ZNF540: variants seen among roughly 807,000 people sequenced by gnomAD.
ZNF540 encodes CTD-3064H18.6.
In ZNF540, 3 loss-of-function variants were observed where a neutral mutation model predicts 11.8. The observed-to-expected ratio is 0.25, with a 90% CI of 0.12 to 0.65. The LOEUF is 0.65. Among genes scored for constraint, ZNF540 ranks in the 30% least tolerant of loss-of-function variants. The pLI, the probability that ZNF540 is intolerant of heterozygous loss-of-function variation, is 0.83. For synonymous variants in ZNF540, 247 were observed against 259.0 expected (o/e 0.95, Z 0.45); for missense variants, 709 against 793.1 (o/e 0.89, Z 1.27).
intron 1 of ZNF540, chr19:37,563,616 T>C (rs185421340): frequency 6.6e-6 from 1 of 151,952 alleles, no homozygotes; most frequent in Non-Finnish European, 1.5e-5. Flanking sequence ...CATACATACA[T>C]GGAATGTATA....
intron 1 of ZNF540, among the ~76,000 whole-genome samples, chr19:37,568,424 G>C (rs181627471): frequency 2.2e-3 from 332 of 151,294 alleles, no homozygotes; most frequent in Non-Finnish European, 3.9e-3. Flanking sequence ...TTTCATAGAA[G>C]AACAATATGG....
In ZNF540 at chr19:37,565,907, T is replaced by G. The variant is rs1387186035; in HGVS notation, c.-73+14242T>G. 1.2e-6 allele frequency: 2 copies of G among 1,613,930 alleles called. No homozygotes were observed. Among genetic ancestry groups the G allele is most frequent in the Admixed American group, 3.3e-5 (2 of 59,990 alleles). ...ATAGCTTGGCTTTTTGCTAAAGGTATTCCTGTGTTTCTTAACTTCAGAGCA... is the reference window on the plus strand; with the variant it reads ...ATAGCTTGGCTTTTTGCTAAAGGTAGTCCTGTGTTTCTTAACTTCAGAGCA... On this transcript the variant is annotated intron_variant, in intron 1 of 4. Coordinates refer to the ZNF540 transcript ENST00000592533.
intron 4 of ZNF540, among the ~76,000 whole-genome samples, chr19:37,609,952 C>T (rs1467655642): frequency 2.6e-5 from 4 of 152,174 alleles, no homozygotes; most frequent in Non-Finnish European, 5.9e-5. Flanking sequence ...AAACATACAT[C>T]TCTTTGCACA....
intron 4 of ZNF540, among the ~76,000 whole-genome samples, chr19:37,603,445 T>C (rs1004771816): frequency 1.3e-5 from 2 of 152,202 alleles, no homozygotes; most frequent in Non-Finnish European, 2.9e-5. Flanking sequence ...GAACTATAGA[T>C]ACGACAATGG....
chr19:37,565,127 A>C, intron 1 of ZNF540: 1 of 1,613,086 alleles, frequency 6.2e-7, no homozygotes, highest in Non-Finnish European at 8.5e-7. Context: ...ATGTTCACTA[A>C]GTTGTTTGCC....
At chr19:37,608,631 A>G (rs2044102804) in intron 4 of ZNF540, among the ~76,000 whole-genome samples, 1 of 140,270 alleles carries the variant, frequency 7.1e-6, no homozygotes, top group East Asian at 1.9e-4. Context: ...TGGGAAACAT[A>G]GTAAATAGGC....
intron 1 of ZNF540, chr19:37,564,564 G>GAA (rs777136986): frequency 6.9e-7 from 1 of 1,454,060 alleles, no homozygotes; most frequent in Admixed American, 2.5e-5. Context: ...AATAGATGAA[G>GAA]ATTTTCTTAA....
chr19:37,561,047 A>C (rs2042710429), intron 1 of ZNF540, among the ~76,000 whole-genome samples: 2 of 105,304 alleles, frequency 1.9e-5, no homozygotes, highest in African/African-American at 8.5e-5. Flanking sequence ...CCCTGTCTCT[A>C]CAAAAAAAAA....
At chr19:37,572,412 A>G (rs2043093850) in intron 1 of ZNF540, among the ~76,000 whole-genome samples, 2 of 152,202 alleles carry the variant, frequency 1.3e-5, no homozygotes, top group African/African-American at 4.8e-5. Context: ...ATCCTACTCC[A>G]TCTTGCTCAA....
At chr19:37,553,858 A>G (rs1328614720) in intron 1 of ZNF540, among the ~76,000 whole-genome samples, 1 of 152,186 alleles carries the variant, frequency 6.6e-6, no homozygotes, top group Non-Finnish European at 1.5e-5. Context: ...AAACTCAATT[A>G]CTTTTTCAAG....
chr19:37,559,823 TAAAACAA>T, intron 1 of ZNF540, among the ~76,000 whole-genome samples: 1 of 152,172 alleles, frequency 6.6e-6, no homozygotes, highest in East Asian at 1.9e-4. Context: ...TTTCTAAAGT[TAAAACAA>T]ATTAAAGTGA....
At chr19:37,608,363 C>G (rs2044100686) in intron 4 of ZNF540, among the ~76,000 whole-genome samples, 1 of 152,114 alleles carries the variant, frequency 6.6e-6, no homozygotes, top group Non-Finnish European at 1.5e-5. Context: ...TGTTTTTGAT[C>G]TTTAGCATTT....
chr19:37,555,952 G>C (rs2042654511), intron 1 of ZNF540: 1 of 700,738 alleles, frequency 1.4e-6, no homozygotes, highest in Non-Finnish European at 2.6e-6. Flanking sequence ...GTCCAATCAG[G>C]GCAGAAAAAC....
At chr19:37,604,212 A>G (rs1036050810) in intron 4 of ZNF540, among the ~76,000 whole-genome samples, 2 of 150,020 alleles carry the variant, frequency 1.3e-5, no homozygotes, top group South Asian at 4.2e-4. Flanking sequence ...CAGGAAATTA[A>G]TAGTTTCCTT....
At chr19:37,608,212 ATCTGT>A (rs2044099538) in intron 4 of ZNF540, among the ~76,000 whole-genome samples, 1 of 152,042 alleles carries the variant, frequency 6.6e-6, no homozygotes, top group African/African-American at 2.4e-5. Flanking sequence ...GTTCTTGGAT[ATCTGT>A]TCTGTTTCCT....
Position 37,599,610 on chromosome 19 carries a change from TG to T in ZNF540, c.10-14del. 6.2e-7 allele frequency: 1 copy of T among 1,613,812 alleles called. No individual in the cohort carries two copies. The highest frequency in any genetic ancestry group is 8.5e-7 in the Non-Finnish European group (1 of 1,179,884). Reference sequence around the variant, plus strand: ...TTCTGTAATTTCACCAGTAATATGTTGGTTTATGGTTTCAGGCATTGGTGAC... The same window carrying T: ...TTCTGTAATTTCACCAGTAATATGTTGTTTATGGTTTCAGGCATTGGTGAC... On this transcript the variant is annotated splice_polypyrimidine_tract_variant and intron_variant, in intron 2 of 4. Coordinates refer to ENST00000316433, the MANE Select transcript of ZNF540 (RefSeq NM_001172225.3).
chr19:37,584,265 A>T, intron 1 of ZNF540: 1 of 800,322 alleles, frequency 1.2e-6, no homozygotes, highest in Non-Finnish European at 1.9e-6. Context: ...ATTGCCACAG[A>T]TAAAACTTCC....
At chr19:37,603,449 A>T (rs2044056459) in intron 4 of ZNF540, among the ~76,000 whole-genome samples, 1 of 152,228 alleles carries the variant, frequency 6.6e-6, no homozygotes, top group African/African-American at 2.4e-5. Flanking sequence ...TATAGATACG[A>T]CAATGGATAT....
chr19:37,600,785 A>G lies in ZNF540; in HGVS notation c.137-225A>G, dbSNP rs143614737. ...TGTATGAGTTTTAATTCCAAAATGA[A>G]TTAAAATTCTCCTAGATGAATTTTA... On this transcript the variant is annotated intron_variant, in intron 3 of 4. Coordinates refer to ENST00000316433, the MANE Select transcript of ZNF540 (RefSeq NM_001172225.3). Among the ~76,000 whole-genome samples the G allele has an allele frequency of 4.6e-3, 695 of 152,234 alleles. 4 individuals are homozygous for G. Among genetic ancestry groups the G allele is most frequent in the African/African-American group, 0.016 (673 of 41,544 alleles).
Sources: gnomAD v4.1 joint callset for allele counts (sites outside exome capture counted in the v4.1 genomes callset) on GRCh38, gnomAD v4.1.1 for gene constraint, MANE v1.5 for transcripts, NCBI Gene and HGNC (gene_info 2026-07-23, HGNC 2026-07-21) for gene names.